The following ZBTB16 variants were observed in gnomAD, a reference collection of about 807,000 sequenced individuals.
ZBTB16 encodes zinc finger and BTB domain containing 16.
ZBTB16 carries 8 observed loss-of-function variants against 56.8 expected under a neutral mutation model. The observed-to-expected ratio is 0.14, with a 90% CI of 0.08 to 0.25. ZBTB16 has a LOEUF of 0.25. Ranked by LOEUF, ZBTB16 falls within the 10% of genes least tolerant of loss-of-function variation. ZBTB16 has a pLI of 1.00. For synonymous variants in ZBTB16, 363 were observed against 368.5 expected (o/e 0.98, Z 0.17); for missense variants, 625 against 903.0 (o/e 0.69, Z 3.95).
chr11:114,209,932 A>G (rs1943961311), intron 4 of ZBTB16: 1 of 985,336 alleles, frequency 1.0e-6, no homozygotes, highest in Non-Finnish European at 1.2e-6. Context: ...ATGCAGCCAC[A>G]GGAACAAAGA....
chr11:114,086,231 G>A (rs1939952157), intron 2 of ZBTB16, among the ~76,000 whole-genome samples: 1 of 152,192 alleles, frequency 6.6e-6, no homozygotes, highest in Non-Finnish European at 1.5e-5. Flanking sequence ...GCGTGGCCAG[G>A]AGAGTGGGAT....
At chr11:114,074,041 CA>C (rs1939448408) in intron 2 of ZBTB16, among the ~76,000 whole-genome samples, 1 of 152,208 alleles carries the variant, frequency 6.6e-6, no homozygotes, top group Admixed American at 6.5e-5. Flanking sequence ...CTCTGTGAAG[CA>C]GCAGTATCCT....
chr11:114,226,236 C>T (rs1944325435), intron 4 of ZBTB16, among the ~76,000 whole-genome samples: 1 of 152,120 alleles, frequency 6.6e-6, no homozygotes, highest in Non-Finnish European at 1.5e-5. Context: ...TGCTGTTCCC[C>T]AGGGGAAATA....
At chr11:114,187,582 TTGTGATCAG>T (rs1323682337) in intron 4 of ZBTB16, 1 of 184,826 alleles carries the variant, frequency 5.4e-6, no homozygotes, top group Non-Finnish European at 1.2e-5. Context: ...CATCTGATCA[TTGTGATCAG>T]AGTCGTTGTC....
chr11:114,159,932 G>A (rs1428254516), intron 3 of ZBTB16, among the ~76,000 whole-genome samples: 4 of 142,780 alleles, frequency 2.8e-5, no homozygotes, highest in African/African-American at 1.1e-4. Flanking sequence ...CCTGGGCGGG[G>A]GAGGCGGGGG....
intron 2 of ZBTB16, among the ~76,000 whole-genome samples, chr11:114,117,819 T>C (rs1394221523): frequency 1.3e-5 from 2 of 152,230 alleles, no homozygotes; most frequent in Non-Finnish European, 2.9e-5. Context: ...ATGAGAAGTA[T>C]CTTAATTTCC....
At chr11:114,176,173 A>C (rs1489870741) in intron 3 of ZBTB16, among the ~76,000 whole-genome samples, 2 of 152,142 alleles carry the variant, frequency 1.3e-5, no homozygotes, top group African/African-American at 4.8e-5. Flanking sequence ...GCTGGGGGCC[A>C]ACAGAAACTT....
At chr11:114,136,693 A>G (rs1211781806) in intron 2 of ZBTB16, among the ~76,000 whole-genome samples, 2 of 152,058 alleles carry the variant, frequency 1.3e-5, no homozygotes, top group Non-Finnish European at 2.9e-5. Flanking sequence ...ATCACTGCCT[A>G]CTAAAAGGGG....
At position 114,059,990 on chromosome 11, in the gene ZBTB16, C is replaced by G. The variant is rs534556126; in HGVS notation, c.-91+108C>G. On this transcript the variant is annotated intron_variant, in intron 1 of 6. Transcript: ENST00000335953. This position sits in a 1 kb window ranked among gnomAD's most constrained non-coding sequence, Gnocchi z 5.3. Reference sequence around the variant, plus strand: ...CGCGCGCTCGCTTCGGCCACTCGGCCGCTGGGCTTGTGCCTTTTTTATTTG... The same window carrying G: ...CGCGCGCTCGCTTCGGCCACTCGGCGGCTGGGCTTGTGCCTTTTTTATTTG... The G allele has an allele frequency of 3.7e-3, 1,442 of 392,562 alleles. 8 individuals carry two copies. The highest frequency in any genetic ancestry group is 0.021 in the Middle Eastern group (33 of 1,560). 24.3% of individuals were successfully genotyped at this position (392,562 alleles called of 1,614,324 possible).
At chr11:114,136,287 A>G (rs2134877498) in intron 2 of ZBTB16, among the ~76,000 whole-genome samples, 1 of 152,254 alleles carries the variant, frequency 6.6e-6, no homozygotes, top group African/African-American at 2.4e-5. Flanking sequence ...TAAAGCCCCC[A>G]CTGTTTGGGG....
chr11:114,230,334 A>G (rs1261779932), intron 4 of ZBTB16, among the ~76,000 whole-genome samples: 5 of 151,380 alleles, frequency 3.3e-5, no homozygotes, highest in African/African-American at 7.3e-5. Flanking sequence ...GCTAAGACCA[A>G]CTCCATGAGC....
chr11:114,210,654 G>T (rs565177057), intron 4 of ZBTB16: 37 of 212,086 alleles, frequency 1.7e-4, no homozygotes, highest in Non-Finnish European at 3.0e-4. Flanking sequence ...TTCCCTGTTT[G>T]CCGGGGCTAG....
intron 3 of ZBTB16, among the ~76,000 whole-genome samples, chr11:114,156,791 C>G (rs1329617149): frequency 6.6e-6 from 1 of 152,186 alleles, no homozygotes; most frequent in Non-Finnish European, 1.5e-5. Context: ...TATACAGGAG[C>G]CTTTAATTAA....
At chr11:114,159,943 G>GA (rs1942537002) in intron 3 of ZBTB16, among the ~76,000 whole-genome samples, 1 of 145,008 alleles carries the variant, frequency 6.9e-6, no homozygotes, top group South Asian at 2.1e-4. Context: ...GAGGCGGGGG[G>GA]GAGGCGAGCA....
At position 114,064,090 on chromosome 11, in the gene ZBTB16, A is replaced by G. The variant is rs769371955; in HGVS notation, c.790A>G (p.Ile264Val). Residue 264 changes from isoleucine (I) to valine (V), a missense_variant, in exon 2 of 7, where the codon ATC (isoleucine) becomes GTC (valine). By Grantham distance (29) the Ile-to-Val change is conservative (BLOSUM62 3). Around this residue, in one of 6 missense-constraint regions of ZBTB16, gnomAD observed 384 missense variants for 393.5 expected, o/e 0.98. Coordinates refer to ENST00000335953, the MANE Select transcript of ZBTB16 (RefSeq NM_006006.6). The surrounding 1 kb of genome is among the most constrained non-coding windows in gnomAD (Gnocchi z 4.2). ...QDSPGAAESS[I>V]SGGMGDKVEE... Reference sequence around the variant, plus strand: ...CAGCCCTGGGGCAGCCGAGTCCAGCATCTCAGGAGGGATGGGGGACAAGGT... The same window carrying G: ...CAGCCCTGGGGCAGCCGAGTCCAGCGTCTCAGGAGGGATGGGGGACAAGGT... 3.5e-5 allele frequency: 56 copies of G among 1,613,786 alleles called. No homozygotes were observed. Among genetic ancestry groups the G allele is most frequent in the Non-Finnish European group, 4.5e-5 (53 of 1,179,996 alleles).
rs149885878 is a variant in ZBTB16 at position 114,143,570 on chromosome 11, G to A, written c.1269-12767G>A. 4.9e-4 allele frequency among the ~76,000 whole-genome samples: 74 copies of A among 152,240 alleles called. No homozygotes were observed. The highest frequency in any genetic ancestry group is 2.9e-3 in the East Asian group (15 of 5,182). Reference sequence around the variant, plus strand: ...TTACACAAAAATGTAGAAAAAATACGCTAGTGACAGGTCCTCCCTCCATCC... The same window carrying A: ...TTACACAAAAATGTAGAAAAAATACACTAGTGACAGGTCCTCCCTCCATCC... On this transcript the variant is annotated intron_variant, in intron 2 of 6. Coordinates refer to ENST00000335953, the MANE Select transcript of ZBTB16 (RefSeq NM_006006.6). The surrounding 1 kb of genome is among the most constrained non-coding windows in gnomAD (Gnocchi z 6.4).
intron 2 of ZBTB16, among the ~76,000 whole-genome samples, chr11:114,149,870 C>T (rs934745754): frequency 4.6e-5 from 7 of 152,154 alleles, no homozygotes; most frequent in Non-Finnish European, 1.5e-5. Context: ...TTTGTGGTTC[C>T]AGGCAGTCCC....
chr11:114,096,921 G>A (rs188221380), intron 2 of ZBTB16, among the ~76,000 whole-genome samples: 104 of 152,160 alleles, frequency 6.8e-4, no homozygotes, highest in African/African-American at 2.4e-3. Context: ...TTACTTCTGG[G>A]AGTGTTATGT....
rs575957813 is a variant in ZBTB16, at chr11:114,179,818, A to T, written c.1367-7134A>T. On this transcript the variant is annotated intron_variant, in intron 3 of 6. Coordinates refer to ENST00000335953, the MANE Select transcript of ZBTB16 (RefSeq NM_006006.6). Reference sequence around the variant, plus strand: ...TCAGTGTCTTCTGCTTCCTTCCTGGATGCCGGGACCCCCTCAGCCTCATTT... The same window carrying T: ...TCAGTGTCTTCTGCTTCCTTCCTGGTTGCCGGGACCCCCTCAGCCTCATTT... Among the ~76,000 whole-genome samples, 504 of 151,902 alleles carry T rather than the reference A, an allele frequency of 3.3e-3. 2 individuals carry two copies. Among genetic ancestry groups the T allele is most frequent in the Middle Eastern group, 0.014 (4 of 294 alleles).
Sources: allele counts gnomAD v4.1 joint callset (sites outside exome capture counted in the v4.1 genomes callset), GRCh38; gene constraint gnomAD v4.1.1; regional missense constraint gnomAD v4.1.1; non-coding constraint Gnocchi (gnomAD v3.1); transcripts MANE v1.5; gene names NCBI Gene and HGNC (gene_info 2026-07-23, HGNC 2026-07-21).